The following PHACTR1 variants were observed in gnomAD, a reference collection of about 807,000 sequenced individuals.
PHACTR1 encodes the protein RPEL repeat containing 1.
A neutral mutation model predicts 69.2 loss-of-function variants in PHACTR1; 16 were observed. That is an observed-to-expected ratio of 0.23 (90% confidence interval 0.16 to 0.35). The LOEUF (loss-of-function observed/expected upper bound fraction) is 0.35, where lower values mean the gene tolerates loss of function less well. Ranked by LOEUF, PHACTR1 falls within the 10% of genes least tolerant of loss-of-function variation. PHACTR1 has a pLI of 1.00. For synonymous variants in PHACTR1, 312 were observed against 284.5 expected (o/e 1.10, Z -0.97); for missense variants, 510 against 734.7 (o/e 0.69, Z 3.54).
chr6:12,929,824 G>A (rs1409884475), intron 4 of PHACTR1, among the ~76,000 whole-genome samples: 1 of 152,196 alleles, frequency 6.6e-6, no homozygotes, highest in Non-Finnish European at 1.5e-5. Context: ...AAGCGTGTCA[G>A]AAATAATCAT....
chr6:12,986,822 A>C (rs1044272172), intron 4 of PHACTR1, among the ~76,000 whole-genome samples: 1 of 152,148 alleles, frequency 6.6e-6, no homozygotes. Flanking sequence ...CTTATCAGAG[A>C]GGACTCAGAA....
intron 11 of PHACTR1, among the ~76,000 whole-genome samples, chr6:13,276,997 C>T (rs1779059262): frequency 6.6e-6 from 1 of 152,168 alleles, no homozygotes; most frequent in Non-Finnish European, 1.5e-5. Flanking sequence ...TTACTAACGC[C>T]ATTTGAAATT....
chr6:12,963,673 A>T (rs1162604115), intron 4 of PHACTR1, among the ~76,000 whole-genome samples: 2 of 152,210 alleles, frequency 1.3e-5, no homozygotes, highest in Non-Finnish European at 1.5e-5. Context: ...ATACTCAATC[A>T]TGAGTAGACA....
chr6:12,869,171 G>A (rs954526625), intron 4 of PHACTR1, among the ~76,000 whole-genome samples: 1 of 152,184 alleles, frequency 6.6e-6, no homozygotes, highest in African/African-American at 2.4e-5. Flanking sequence ...GGCATTGATA[G>A]ATTCCCAGCC....
At chr6:12,915,836 C>T (rs1786926332) in intron 4 of PHACTR1, among the ~76,000 whole-genome samples, 1 of 152,232 alleles carries the variant, frequency 6.6e-6, no homozygotes, top group African/African-American at 2.4e-5. Context: ...TCTTTGCTCT[C>T]ACATGGACTT....
chr6:12,801,712 T>A (rs1773722938), intron 4 of PHACTR1, among the ~76,000 whole-genome samples: 1 of 152,152 alleles, frequency 6.6e-6, no homozygotes, highest in Non-Finnish European at 1.5e-5. Flanking sequence ...GAGGCTAAAT[T>A]AAGCTGAGAA....
chr6:12,830,976 G>A (rs534314092), intron 4 of PHACTR1, among the ~76,000 whole-genome samples: 4 of 152,248 alleles, frequency 2.6e-5, no homozygotes, highest in South Asian at 2.1e-4. Context: ...GATATATTGC[G>A]TAGTGGCGAA....
intron 7 of PHACTR1, among the ~76,000 whole-genome samples, chr6:13,188,831 T>A (rs779108573): frequency 9.9e-5 from 15 of 152,020 alleles, no homozygotes; most frequent in Admixed American, 5.2e-4. Flanking sequence ...GGGCCAGGAG[T>A]TGTTGGCATC....
rs146744281 is a variant in PHACTR1 at position 13,033,116 on chromosome 6, TAAG to T, written c.251-20248_251-20246del. On this transcript the variant is annotated intron_variant, in intron 4 of 14. Coordinates refer to ENST00000332995, the MANE Select transcript of PHACTR1 (RefSeq NM_030948.6). ...TCATCCTAACTTGCAACTACATATA[TAAG>T]GAGGCAACTCTAGGAAGAATACGCC... Among the ~76,000 whole-genome samples, 1,471 of 152,310 alleles carry T rather than the reference TAAG, an allele frequency of 9.7e-3. 25 individuals carry two copies. The highest frequency in any genetic ancestry group is 0.034 in the African/African-American group (1,407 of 41,576).
intron 4 of PHACTR1, among the ~76,000 whole-genome samples, chr6:12,923,559 A>T (rs1787945114): frequency 1.3e-5 from 2 of 152,174 alleles, no homozygotes; most frequent in African/African-American, 4.8e-5. Context: ...TAATACCAAT[A>T]CTTTGATATT....
Position 12,868,261 on chromosome 6 carries a change from G to GAA in PHACTR1, c.250+118487_250+118488dup, listed in dbSNP as rs60449070. 1.0e-2 allele frequency among the ~76,000 whole-genome samples: 1,364 copies of GAA among 136,518 alleles called. 21 individuals are homozygous for GAA. Among genetic ancestry groups the GAA allele is most frequent in the African/African-American group, 0.024 (892 of 36,476 alleles). 89.6% of individuals were successfully genotyped at this position (136,518 alleles called of 152,430 possible). A position where few individuals can be genotyped will look rare whatever the true frequency, so the allele number is the denominator to read the frequency against. ...ACAGGGCGAGACTCTATCTCAAAAA[G>GAA]AAAAAAAAAAAAAAAAAGTTCAGGT... On this transcript the variant is annotated intron_variant, in intron 4 of 14. Transcript: ENST00000332995.
chr6:12,863,139 A>G (rs1349695199), intron 4 of PHACTR1, among the ~76,000 whole-genome samples: 1 of 152,224 alleles, frequency 6.6e-6, no homozygotes, highest in African/African-American at 2.4e-5. Context: ...AGAAGTTATG[A>G]AGTTGGAGTC....
At chr6:13,025,452 A>G (rs2127676962) in intron 4 of PHACTR1, among the ~76,000 whole-genome samples, 1 of 152,280 alleles carries the variant, frequency 6.6e-6, no homozygotes, top group Non-Finnish European at 1.5e-5. Context: ...AGTGCCGCAG[A>G]GTCCTGGAAT....
At chr6:13,280,101 G>A (rs1305049076) in intron 12 of PHACTR1, 3 of 152,080 alleles carry the variant, frequency 2.0e-5, no homozygotes, top group Non-Finnish European at 2.9e-5. Context: ...ATGATTTTGC[G>A]GAGAACTTGA....
chr6:13,148,065 T>C (rs913766981), intron 5 of PHACTR1, among the ~76,000 whole-genome samples: 16 of 152,162 alleles, frequency 1.1e-4, no homozygotes, highest in African/African-American at 3.9e-4. Context: ...AAACCATATA[T>C]TGAGTTTTTC....
At chr6:13,060,546 G>A (rs895491508) in intron 5 of PHACTR1, among the ~76,000 whole-genome samples, 3 of 152,162 alleles carry the variant, frequency 2.0e-5, no homozygotes, top group Non-Finnish European at 4.4e-5. Flanking sequence ...GAAGTGAGGA[G>A]TAGGTGGGTT....
intron 7 of PHACTR1, among the ~76,000 whole-genome samples, chr6:13,202,305 C>T (rs572299576): frequency 6.6e-6 from 1 of 152,264 alleles, no homozygotes; most frequent in Admixed American, 6.5e-5. Context: ...ATCACTGCTC[C>T]TTCCTAGGCA....
intron 12 of PHACTR1, among the ~76,000 whole-genome samples, chr6:13,282,386 G>A (rs1407202890): frequency 6.6e-6 from 1 of 152,176 alleles, no homozygotes; most frequent in African/African-American, 2.4e-5. Flanking sequence ...GGGTCTTCAT[G>A]GCTAATATCG....
chr6:12,857,074 G>C (rs1044022321), intron 4 of PHACTR1, among the ~76,000 whole-genome samples: 2 of 152,176 alleles, frequency 1.3e-5, no homozygotes, highest in Admixed American at 1.3e-4. Context: ...CCTGAACACA[G>C]AACCTGGAAA....
Sources: allele counts gnomAD v4.1 joint callset (sites outside exome capture counted in the v4.1 genomes callset), GRCh38; gene constraint gnomAD v4.1.1; transcripts MANE v1.5; gene names NCBI Gene and HGNC (gene_info 2026-07-23, HGNC 2026-07-21).